NFKBIZ: variants seen among roughly 807,000 people sequenced by gnomAD.
The protein encoded by NFKBIZ is NFKB inhibitor zeta.
Under a neutral mutation model 76.8 loss-of-function variants are expected in NFKBIZ, and 19 were observed. The ratio of observed to expected loss-of-function variants is 0.25; its 90% CI spans 0.17 to 0.36. NFKBIZ has a LOEUF of 0.36. Among genes scored for constraint, NFKBIZ ranks in the 10% least tolerant of loss-of-function variants. NFKBIZ has a pLI of 1.00. For synonymous variants in NFKBIZ, 368 were observed against 354.8 expected, an observed-to-expected ratio of 1.04 and a Z score of -0.42; for missense variants, 829 against 910.9, an observed-to-expected ratio of 0.91 and a Z score of 1.16.
chr3:101,849,901 C>G lies in NFKBIZ; in HGVS notation c.273C>G (p.Arg91=). Residue 91 remains arginine, a synonymous_variant, in exon 1 of 12, where the codon CGC becomes CGG. Coordinates refer to ENST00000326172, the MANE Select transcript of NFKBIZ (RefSeq NM_031419.4). ...AGTCCCGGTCGAGAGGCGGCGCCCG[C>G]GCCGAGCGCCAGCCAGGTACCCGCC... ...AVESRSRGGA[R]AERQPVEPHM... The G allele has an allele frequency of 7.0e-7, 1 of 1,428,992 alleles. No individual in the cohort carries two copies. The highest frequency in any genetic ancestry group is 9.1e-7 in the Non-Finnish European group (1 of 1,098,844). The allele number at this position is 1,428,992 out of a possible 1,614,324, so 88.5% of individuals were successfully genotyped here. A position where few individuals can be genotyped will look rare whatever the true frequency, so the allele number is the denominator to read the frequency against.
At chr3:101,856,855 A>G (rs1329480862) in intron 9 of NFKBIZ, 1 of 471,674 alleles carries the variant, frequency 2.1e-6, no homozygotes, top group Admixed American at 3.7e-5. Context: ...AAAAAGGTAC[A>G]TTGTGACAAG....
chr3:101,828,417 G>A (rs1423788604), intron 1 of NFKBIZ, among the ~76,000 whole-genome samples: 1 of 152,206 alleles, frequency 6.6e-6, no homozygotes, highest in East Asian at 1.9e-4. Context: ...TTGCTTTAAA[G>A]GCCCAGGAAG....
rs1473374075 is a variant in NFKBIZ, at chr3:101,855,320, T to A, written c.1591-75T>A. On this transcript the variant is annotated intron_variant, in intron 7 of 11. Transcript: ENST00000326172. ...CAATGATCTATTTTGAGTTAACTTATTCATTTCTTGGGGATTCTAATAGGT... is the reference window on the plus strand; with the variant it reads ...CAATGATCTATTTTGAGTTAACTTAATCATTTCTTGGGGATTCTAATAGGT... The A allele has an allele frequency of 1.7e-5, 27 of 1,606,580 alleles. No homozygotes were observed. The East Asian group carries it at 5.8e-4, about 34-fold the overall frequency.
At chr3:101,838,518 A>G (rs1304063368) in intron 2 of NFKBIZ, among the ~76,000 whole-genome samples, 2 of 152,230 alleles carry the variant, frequency 1.3e-5, no homozygotes, top group Non-Finnish European at 2.9e-5. Flanking sequence ...AAGATGGAGG[A>G]TATTATGCAG....
At chr3:101,830,796 T>A (rs1038826200) in intron 2 of NFKBIZ, among the ~76,000 whole-genome samples, 3 of 152,204 alleles carry the variant, frequency 2.0e-5, no homozygotes, top group Admixed American at 6.5e-5. Context: ...TACAGGTGCA[T>A]GTGTCTTTTT....
At chr3:101,842,383 A>G (rs1278805869) in intron 2 of NFKBIZ, among the ~76,000 whole-genome samples, 2 of 152,196 alleles carry the variant, frequency 1.3e-5, no homozygotes, top group African/African-American at 4.8e-5. Flanking sequence ...CATTCTAAGA[A>G]GACTGGACTC....
chr3:101,857,872 G>C, intron 11 of NFKBIZ: 1 of 909,192 alleles, frequency 1.1e-6, no homozygotes, highest in Non-Finnish European at 1.3e-6. Context: ...ATAGTCCCGG[G>C]TACAGAGTAA....
intron 11 of NFKBIZ, 100 bp downstream of exon 11, chr3:101,857,559 C>G: frequency 6.4e-7 from 1 of 1,551,232 alleles, no homozygotes; most frequent in Non-Finnish European, 8.7e-7. Context: ...TGTTGCTCTT[C>G]AGGTGGACTC....
chr3:101,852,710 A>G, intron 2 of NFKBIZ, 28 bp from the exon 3 acceptor site: 3 of 1,566,758 alleles, frequency 1.9e-6, no homozygotes, highest in Non-Finnish European at 2.6e-6. Flanking sequence ...TTTTGTATAC[A>G]CTAAATTGGA....
chr3:101,833,151 A>G (rs997195195), intron 2 of NFKBIZ, among the ~76,000 whole-genome samples: 1 of 152,220 alleles, frequency 6.6e-6, no homozygotes, highest in Admixed American at 6.5e-5. Flanking sequence ...CTTAGATTCC[A>G]TGTGGGTCAG....
At chr3:101,833,502 A>C (rs558329176) in intron 2 of NFKBIZ, among the ~76,000 whole-genome samples, 261 of 152,366 alleles carry the variant, frequency 1.7e-3, no homozygotes, top group African/African-American at 5.9e-3. Flanking sequence ...TCTGAAGGCC[A>C]TAAGAACTTT....
intron 2 of NFKBIZ, among the ~76,000 whole-genome samples, chr3:101,842,704 C>T (rs1347131884): frequency 2.0e-5 from 3 of 151,344 alleles, no homozygotes; most frequent in Admixed American, 1.3e-4. Context: ...GATTGAACAC[C>T]CCTGGTGTGG....
At position 101,849,775 on chromosome 3, in the gene NFKBIZ, C is replaced by A. The variant is rs1421135352; in HGVS notation, c.147C>A (p.Asp49Glu). 3.4e-6 allele frequency: 5 copies of A among 1,455,950 alleles called. No individual in the cohort carries two copies. The African/African-American group carries it at 7.4e-5, about 22-fold the overall frequency. The allele number at this position is 1,455,950 out of a possible 1,614,324, so 90.2% of individuals were successfully genotyped here. A position where few individuals can be genotyped will look rare whatever the true frequency, so the allele number is the denominator to read the frequency against. Residue 49 changes from aspartate (D) to glutamate (E), a missense_variant, in exon 1 of 12, where the codon GAC becomes GAA. Physicochemically the swap from Asp to Glu is conservative, Grantham distance 45. Transcript: ENST00000326172. ...SPPAAAPGAC[D>E]ASCSVLGPSA... ...CCGCCGCCGCCCCGGGCGCCTGCGA[C>A]GCCAGCTGCTCGGTCTTGGGCCCCT...
intron 2 of NFKBIZ, among the ~76,000 whole-genome samples, chr3:101,833,514 T>A (rs1439856018): frequency 6.6e-6 from 1 of 152,242 alleles, no homozygotes; most frequent in Non-Finnish European, 1.5e-5. Flanking sequence ...AAGAACTTTC[T>A]ATGTTGTATC....
chr3:101,829,879 TTG>T lies in NFKBIZ; in HGVS notation c.-12+212_-12+213del, dbSNP rs71132601. On this transcript the variant is annotated intron_variant, in intron 2 of 12. Transcript: ENST00000394054. ...GTGATTTCATGAGAACTAAGATTTT[TTG>T]TGTGTGTGTGTGTGTGTGTGGTTTA... Among the ~76,000 whole-genome samples the T allele has an allele frequency of 1.5e-4, 23 of 150,332 alleles. No homozygotes were observed. The East Asian group carries it at 1.6e-3, about 10-fold the overall frequency.
chr3:101,844,188 C>G (rs1942821323), intron 2 of NFKBIZ, among the ~76,000 whole-genome samples: 1 of 152,226 alleles, frequency 6.6e-6, no homozygotes, highest in Non-Finnish European at 1.5e-5. Context: ...ACATACTGTT[C>G]AAGCTAATAG....
At position 101,860,823 on chromosome 3, in the gene NFKBIZ, CATT is replaced by C. The variant is rs2107427481; in HGVS notation, c.*1454_*1456del. ...TTAAAAAAAAAAAAAAAGAAAATCT[CATT>C]AGTGAACTTATCTTTGCAGCTGAGT... is the stretch of plus-strand genomic sequence containing the variant. On this transcript the variant is annotated 3_prime_UTR_variant, in exon 12 of 12. Coordinates refer to ENST00000326172, the MANE Select transcript of NFKBIZ (RefSeq NM_031419.4). 6.8e-6 allele frequency: 1 copy of C among 147,288 alleles called. No homozygotes were observed. Among genetic ancestry groups the C allele is most frequent in the East Asian group, 2.0e-4 (1 of 5,026 alleles). The allele number at this position is 147,288 out of a possible 1,614,324, so 9.1% of individuals were successfully genotyped here. A position where few individuals can be genotyped will look rare whatever the true frequency, so the allele number is the denominator to read the frequency against.
In NFKBIZ at chr3:101,855,898, C is replaced by T. The variant is rs771403150; in HGVS notation, c.1820C>T (p.Ala607Val). The part of the protein sequence containing the change: ...CLIQMGAAVE[A>V]KDRKSGRTAL... Reference sequence around the variant, plus strand: ...ATTCAAATGGGAGCAGCGGTGGAAGCGAAGGTAAATTCACAGAAAAGGTTT... The same window carrying T: ...ATTCAAATGGGAGCAGCGGTGGAAGTGAAGGTAAATTCACAGAAAAGGTTT... The change falls in exon 9 of 12, where the codon GCG becomes GTG. Residue 607 changes from alanine (A) to valine (V), a missense_variant. By Grantham distance (64) the Ala-to-Val change is moderately conservative. Coordinates refer to ENST00000326172, the MANE Select transcript of NFKBIZ (RefSeq NM_031419.4). 5.6e-6 allele frequency: 9 copies of T among 1,601,670 alleles called. No homozygotes were observed. Among genetic ancestry groups the T allele is most frequent in the East Asian group, 2.2e-5 (1 of 44,690 alleles).
upstream of NFKBIZ, chr3:101,849,239 AGG>A: frequency 1.9e-5 from 3 of 158,350 alleles, no homozygotes; most frequent in Non-Finnish European, 4.1e-5. Flanking sequence ...GGGAGGCGGG[AGG>A]CGGGAAGCGG....
Sources: gnomAD v4.1 joint callset for allele counts (sites outside exome capture counted in the v4.1 genomes callset) on GRCh38, gnomAD v4.1.1 for gene constraint, MANE v1.5 for transcripts, NCBI Gene and HGNC (gene_info 2026-07-23, HGNC 2026-07-21) for gene names.